Variants in CDH8 observed in about 807,000 individuals in gnomAD.
CDH8 encodes cadherin 8.
Under a neutral mutation model 68.1 loss-of-function variants are expected in CDH8, and 17 were observed. The ratio of observed to expected loss-of-function variants is 0.25; its 90% CI spans 0.17 to 0.37. The LOEUF is 0.37. CDH8 is among the 10% of genes least tolerant of loss of function. CDH8 has a pLI of 1.00. For missense variants in CDH8, 763 were observed against 999.3 expected (o/e 0.76, Z 3.19); for synonymous variants, 372 against 365.1 (o/e 1.02, Z -0.21).
At chr16:61,848,575 T>C (rs1208892237) in intron 4 of CDH8, among the ~76,000 whole-genome samples, 2 of 152,000 alleles carry the variant, frequency 1.3e-5, no homozygotes, top group East Asian at 3.9e-4. Context: ...TATTGTATCT[T>C]CCACAGAAGA....
Position 61,673,608 on chromosome 16 carries a change from A to G in CDH8, c.1655-17887T>C, listed in dbSNP as rs1963839338. On this transcript the variant is annotated intron_variant, in intron 10 of 11. Coordinates refer to ENST00000577390, the MANE Select transcript of CDH8 (RefSeq NM_001796.5). The stretch of plus-strand genomic sequence containing the variant: ...AGTATAACTCATGCATAAAACATGC[A>G]TTTCTTACCAAGAAAGAAACCACAT... Among the ~76,000 whole-genome samples, 3 of 152,252 alleles carry G rather than the reference A, an allele frequency of 2.0e-5. No individual in the cohort carries two copies. The South Asian group carries it at 6.2e-4, about 32-fold the overall frequency.
rs11271459 is a variant in CDH8, at chr16:61,992,050, T to TTGTGTGTG, written c.252+29094_252+29101dup. Among the ~76,000 whole-genome samples the TTGTGTGTG allele has an allele frequency of 5.8e-3, 840 of 144,410 alleles. 6 individuals carry two copies. The highest frequency in any genetic ancestry group is 0.023 in the East Asian group (109 of 4,768). 94.7% of individuals were successfully genotyped at this position (144,410 alleles called of 152,430 possible). ...TTTCTGCACAATACATGCTAAATCT[T>TTGTGTGTG]TGTGTGTGTGTGTGTGTGTGTGTGT... On this transcript the variant is annotated intron_variant, in intron 2 of 11. Coordinates refer to ENST00000577390, the MANE Select transcript of CDH8 (RefSeq NM_001796.5).
intron 4 of CDH8, among the ~76,000 whole-genome samples, chr16:61,842,228 G>C (rs1426979445): frequency 6.6e-6 from 1 of 151,948 alleles, no homozygotes; most frequent in Non-Finnish European, 1.5e-5. Flanking sequence ...TGGTTTTAAT[G>C]TTTGCTCCCT....
At chr16:61,830,015 C>T (rs1210177755) in intron 4 of CDH8, among the ~76,000 whole-genome samples, 1 of 151,848 alleles carries the variant, frequency 6.6e-6, no homozygotes, top group Non-Finnish European at 1.5e-5. Context: ...ATGTATTTCA[C>T]TTCCATAGAT....
At chr16:61,963,942 T>C (rs1220461045) in intron 2 of CDH8, among the ~76,000 whole-genome samples, 1 of 152,188 alleles carries the variant, frequency 6.6e-6, no homozygotes. Context: ...CGGGCATTTC[T>C]CTCTAGAAAG....
At chr16:61,714,136 A>T in intron 9 of CDH8, 178 bp from the exon 10 acceptor site, 1 of 591,054 alleles carries the variant, frequency 1.7e-6, no homozygotes, top group Non-Finnish European at 3.0e-6. Flanking sequence ...CATTACTTTA[A>T]AACCTCAGCT....
At chr16:61,820,582 C>G (rs1015283733) in intron 6 of CDH8, among the ~76,000 whole-genome samples, 3 of 151,882 alleles carry the variant, frequency 2.0e-5, no homozygotes, top group African/African-American at 7.3e-5. Context: ...ACCAATTTTT[C>G]TCCCCCTTTG....
chr16:61,701,642 T>C (rs751810848), intron 10 of CDH8, among the ~76,000 whole-genome samples: 1 of 152,200 alleles, frequency 6.6e-6, no homozygotes, highest in Non-Finnish European at 1.5e-5. Context: ...GTCCAATTTA[T>C]TTCAGTGAGT....
chr16:61,986,446 A>G (rs375396405), intron 2 of CDH8, among the ~76,000 whole-genome samples: 1 of 152,178 alleles, frequency 6.6e-6, no homozygotes, highest in Non-Finnish European at 1.5e-5. Flanking sequence ...TGGTGATAAG[A>G]AACTCCCTAT....
chr16:61,872,345 A>G (rs1425596575), intron 3 of CDH8, among the ~76,000 whole-genome samples: 3 of 152,206 alleles, frequency 2.0e-5, no homozygotes, highest in Non-Finnish European at 4.4e-5. Context: ...GATTGTTTCT[A>G]TGCATTTTAC....
chr16:62,010,024 C>T (rs1901768970), intron 2 of CDH8, among the ~76,000 whole-genome samples: 1 of 152,134 alleles, frequency 6.6e-6, no homozygotes, highest in African/African-American at 2.4e-5. Flanking sequence ...TTGGTAGCAG[C>T]CCTGCCCGGG....
chr16:61,880,786 CAAT>C (rs1392751110), intron 3 of CDH8, among the ~76,000 whole-genome samples: 2 of 152,166 alleles, frequency 1.3e-5, no homozygotes, highest in Non-Finnish European at 2.9e-5. Context: ...TGCTTTGAAT[CAAT>C]AACATTCAGC....
chr16:62,002,914 G>A (rs1965915626), intron 2 of CDH8, among the ~76,000 whole-genome samples: 1 of 152,124 alleles, frequency 6.6e-6, no homozygotes. Flanking sequence ...TTAGCTGGGC[G>A]TGGCGGCAGG....
At chr16:61,716,674 G>C (rs1293537616) in intron 9 of CDH8, among the ~76,000 whole-genome samples, 1 of 151,658 alleles carries the variant, frequency 6.6e-6, no homozygotes, top group Non-Finnish European at 1.5e-5. Context: ...ATATGCTGGG[G>C]AGAAGGTGGC....
chr16:61,875,880 T>A (rs1299363714), intron 3 of CDH8, among the ~76,000 whole-genome samples: 3 of 152,146 alleles, frequency 2.0e-5, no homozygotes, highest in African/African-American at 7.2e-5. Flanking sequence ...TTCTTCTCCC[T>A]GCCCCTCCAC....
chr16:61,675,505 C>T (rs372106395), intron 10 of CDH8, among the ~76,000 whole-genome samples: 8 of 147,592 alleles, frequency 5.4e-5, no homozygotes, highest in Admixed American at 1.4e-4. Context: ...GGCTAGATGA[C>T]GAGTTAGTGG....
intron 2 of CDH8, among the ~76,000 whole-genome samples, chr16:61,926,152 G>GGTGGGTGTGT (rs1555521726): frequency 1.4e-5 from 2 of 142,118 alleles, no homozygotes; most frequent in African/African-American, 5.2e-5. Flanking sequence ...ACTCAGAAGG[G>GGTGGGTGTGT]GTGTGTGTGT....
intron 8 of CDH8, among the ~76,000 whole-genome samples, chr16:61,779,780 T>C (rs982782451): frequency 6.6e-6 from 1 of 152,202 alleles, no homozygotes; most frequent in Non-Finnish European, 1.5e-5. Flanking sequence ...ATAAAATGCA[T>C]GCTTTTTCAT....
At chr16:62,024,386 T>C (rs2150616130) in intron 1 of CDH8, among the ~76,000 whole-genome samples, 1 of 152,240 alleles carries the variant, frequency 6.6e-6, no homozygotes, top group South Asian at 2.1e-4. Flanking sequence ...TCTTTAAAAT[T>C]TTGCCAAACA....
Sources: allele counts gnomAD v4.1 joint callset (sites outside exome capture counted in the v4.1 genomes callset), GRCh38; gene constraint gnomAD v4.1.1; transcripts MANE v1.5; gene names NCBI Gene and HGNC (gene_info 2026-07-23, HGNC 2026-07-21).